Variants in WWOX observed in about 807,000 individuals in gnomAD.
The protein encoded by WWOX is WW domain-containing oxidoreductase.
A neutral mutation model predicts 46.2 loss-of-function variants in WWOX; 69 were observed. The observed-to-expected ratio is 1.49, with a 90% confidence interval of 1.23 to 1.82. The LOEUF is 1.82. Among genes scored for constraint, WWOX ranks in the 40% most tolerant of loss-of-function variants. The probability of loss-of-function intolerance (pLI) is 0.00; values close to 1 mark genes in which losing one functional copy is unlikely to be tolerated. For synonymous variants in WWOX, 359 were observed against 202.6 expected, an observed-to-expected ratio of 1.77 and a Z score of -6.56; for missense variants, 919 against 542.6, an observed-to-expected ratio of 1.69 and a Z score of -6.89.
chr16:78,545,828 C>G (rs915815763), intron 8 of WWOX, among the ~76,000 whole-genome samples: 1 of 152,172 alleles, frequency 6.6e-6, no homozygotes, highest in South Asian at 2.1e-4. Flanking sequence ...TCTGTCCTCA[C>G]GTGGCCTTCC....
intron 8 of WWOX, among the ~76,000 whole-genome samples, chr16:79,198,535 T>G (rs2051285673): frequency 6.6e-6 from 1 of 152,162 alleles, no homozygotes; most frequent in Non-Finnish European, 1.5e-5. Flanking sequence ...AGGTGCCCCT[T>G]GGTGGAGCAA....
intron 8 of WWOX, among the ~76,000 whole-genome samples, chr16:78,927,758 A>G (rs1016423385): frequency 8.5e-5 from 13 of 152,108 alleles, no homozygotes; most frequent in Non-Finnish European, 1.8e-4. Flanking sequence ...GTTTCGTTTC[A>G]TTGCTCCAGC....
chr16:78,426,158 A>G (rs566315933), intron 7 of WWOX, among the ~76,000 whole-genome samples: 1 of 152,344 alleles, frequency 6.6e-6, no homozygotes, highest in East Asian at 1.9e-4. Context: ...ACATCTAGTA[A>G]TTAGGTGGTA....
intron 8 of WWOX, among the ~76,000 whole-genome samples, chr16:78,709,381 C>T (rs1467332424): frequency 1.3e-5 from 2 of 152,182 alleles, no homozygotes. Flanking sequence ...GATTCTCGGC[C>T]ATTCCGGTTC....
chr16:78,795,707 T>A (rs921447267), intron 8 of WWOX, among the ~76,000 whole-genome samples: 1 of 152,170 alleles, frequency 6.6e-6, no homozygotes. Flanking sequence ...TGGGGATTCA[T>A]TCTAGTGGGC....
chr16:78,328,046 G>T (rs149298502), intron 5 of WWOX, among the ~76,000 whole-genome samples: 6 of 152,036 alleles, frequency 3.9e-5, no homozygotes, highest in African/African-American at 1.4e-4. Flanking sequence ...TGGCTAATTT[G>T]TATTTTTAGT....
chr16:78,433,116 CAGT>C (rs1280380910), intron 8 of WWOX, among the ~76,000 whole-genome samples: 1 of 152,136 alleles, frequency 6.6e-6, no homozygotes. Flanking sequence ...TGTTTTGTGT[CAGT>C]AGGTAAACAA....
intron 8 of WWOX, among the ~76,000 whole-genome samples, chr16:78,772,774 T>G (rs551241471): frequency 6.6e-6 from 1 of 152,228 alleles, no homozygotes; most frequent in South Asian, 2.1e-4. Context: ...ATCTCAGCGC[T>G]TTGTGGGGCT....
chr16:78,631,063 C>T (rs1281856581), intron 8 of WWOX, among the ~76,000 whole-genome samples: 2 of 152,064 alleles, frequency 1.3e-5, no homozygotes, highest in African/African-American at 4.8e-5. Flanking sequence ...TATAAGTAAT[C>T]TAGAGATGAT....
At chr16:78,830,039 C>G (rs566551168) in intron 8 of WWOX, among the ~76,000 whole-genome samples, 1 of 152,146 alleles carries the variant, frequency 6.6e-6, no homozygotes, top group South Asian at 2.1e-4. Context: ...GGTAGGATCA[C>G]TAGAGGTCAG....
At chr16:78,108,358 C>T (rs540644372) in intron 1 of WWOX, 65 bp from the exon 2 acceptor site, 48 of 1,514,498 alleles carry the variant, frequency 3.2e-5, no homozygotes, top group South Asian at 3.0e-4. Flanking sequence ...AAATTTAATA[C>T]AATTGATTAC....
intron 8 of WWOX, among the ~76,000 whole-genome samples, chr16:78,938,659 G>T (rs1253384044): frequency 6.6e-6 from 1 of 152,088 alleles, no homozygotes; most frequent in Non-Finnish European, 1.5e-5. Flanking sequence ...CATTTACTGT[G>T]TACTAACTAA....
intron 8 of WWOX, among the ~76,000 whole-genome samples, chr16:78,699,029 A>G (rs1295222950): frequency 2.6e-5 from 4 of 152,218 alleles, no homozygotes; most frequent in East Asian, 1.9e-4. Flanking sequence ...AAAATGCCAG[A>G]TAGTGTTTCT....
rs150806467 is a variant in WWOX at position 78,803,845 on chromosome 16, T to C, written c.1056+371093T>C. On this transcript the variant is annotated intron_variant, in intron 8 of 8. Coordinates refer to ENST00000566780, the MANE Select transcript of WWOX (RefSeq NM_016373.4). ...TTTTAAAAGAATTGAACAAATAAAA[T>C]AGTCAGAGCTCAAAAATTGAGTACT... 1.9e-3 allele frequency among the ~76,000 whole-genome samples: 292 copies of C among 152,200 alleles called. 1 individual carries two copies. The highest frequency in any genetic ancestry group is 5.4e-3 in the East Asian group (28 of 5,164).
At chr16:78,765,178 G>C (rs763110309) in intron 8 of WWOX, among the ~76,000 whole-genome samples, 1 of 152,322 alleles carries the variant, frequency 6.6e-6, no homozygotes, top group East Asian at 1.9e-4. Context: ...GTGGGGATTG[G>C]GGTGGGATAT....
At chr16:78,374,527 A>ATTTTTTTTTTTTTTTTTTTTTT (rs541225697) in intron 5 of WWOX, among the ~76,000 whole-genome samples, 4 of 70,906 alleles carry the variant, frequency 5.6e-5, no homozygotes, top group East Asian at 4.0e-4. Flanking sequence ...TCTGTCTTGA[A>ATTTTTTTTTTTTTTTTTTTTTT]TTTTTTTTTT....
intron 8 of WWOX, among the ~76,000 whole-genome samples, chr16:78,436,569 G>A (rs1183268368): frequency 2.0e-5 from 3 of 152,146 alleles, no homozygotes; most frequent in Non-Finnish European, 4.4e-5. Flanking sequence ...AGCCATCAGC[G>A]TTCTCTATAT....
chr16:78,627,732 C>T (rs1223637025), intron 8 of WWOX, among the ~76,000 whole-genome samples: 2 of 152,142 alleles, frequency 1.3e-5, no homozygotes, highest in Non-Finnish European at 2.9e-5. Context: ...CATGGAGGCA[C>T]CTATGTTAAC....
intron 5 of WWOX, among the ~76,000 whole-genome samples, chr16:78,333,718 T>C (rs2080817215): frequency 6.6e-6 from 1 of 152,202 alleles, no homozygotes; most frequent in Admixed American, 6.5e-5. Flanking sequence ...ATAGACTTGA[T>C]ACACATGAAA....
Sources: gnomAD v4.1 joint callset for allele counts (sites outside exome capture counted in the v4.1 genomes callset) on GRCh38, gnomAD v4.1.1 for gene constraint, MANE v1.5 for transcripts, NCBI Gene and HGNC (gene_info 2026-07-23, HGNC 2026-07-21) for gene names.